LINC01488: variants seen among roughly 807,000 people sequenced by gnomAD.
LINC01488 encodes the protein CCND1-upstream intergenic DNA repair 1.
chr11:69,484,903 T>C lies in LINC01488; in HGVS notation n.122+3120T>C, dbSNP rs79637149. On this transcript the variant is annotated intron_variant and non_coding_transcript_variant, in intron 1 of 3. Coordinates refer to ENST00000644563, the Ensembl canonical transcript of LINC01488. ...TCTTCACTGGCTCCTTTGTTTTCTCTGAAGGCAGAGAATCTTCTAGTGCAT... is the reference window on the plus strand; with the variant it reads ...TCTTCACTGGCTCCTTTGTTTTCTCCGAAGGCAGAGAATCTTCTAGTGCAT... Among the ~76,000 whole-genome samples the C allele has an allele frequency of 5.2e-3, 788 of 152,374 alleles. 20 individuals carry two copies. In the East Asian group the frequency reaches 0.066, roughly 13 times the overall value.
chr11:69,482,740 C>T (rs1857060679), intron 1 of LINC01488, among the ~76,000 whole-genome samples: 1 of 152,204 alleles, frequency 6.6e-6, no homozygotes, highest in Admixed American at 6.5e-5. Flanking sequence ...GCAGACTGGA[C>T]TGCTTACAAA....
intron 1 of LINC01488, among the ~76,000 whole-genome samples, chr11:69,483,839 A>C (rs1365775678): frequency 6.6e-6 from 1 of 152,180 alleles, no homozygotes; most frequent in Non-Finnish European, 1.5e-5. Flanking sequence ...GCTGGCGGGC[A>C]GCAAATGAAG....
chr11:69,486,772 TG>T (rs977569995), intron 1 of LINC01488, among the ~76,000 whole-genome samples: 4 of 152,082 alleles, frequency 2.6e-5, no homozygotes, highest in Admixed American at 6.5e-5. Context: ...GTGGCAGGGC[TG>T]GGGCTCTGTG....
intron 1 of LINC01488, among the ~76,000 whole-genome samples, chr11:69,483,956 C>T (rs969286612): frequency 6.6e-6 from 1 of 152,202 alleles, no homozygotes; most frequent in African/African-American, 2.4e-5. Context: ...GAGCCAAGGG[C>T]CCCGCAGGGG....
At position 69,484,999 on chromosome 11, in the gene LINC01488, T is replaced by C. The variant is rs536738562; in HGVS notation, n.122+3216T>C. Among the ~76,000 whole-genome samples, 5 of 152,212 alleles carry C rather than the reference T, an allele frequency of 3.3e-5. No individual in the cohort carries two copies. In the South Asian group the frequency reaches 1.0e-3, roughly 32 times the overall value. The stretch of plus-strand genomic sequence containing the variant: ...CCAGTAGTTTGACACAAGTGGGCTG[T>C]GCTAAAATCTCTGAACCACCCAACC... On this transcript the variant is annotated intron_variant and non_coding_transcript_variant, in intron 1 of 3. Transcript: ENST00000644563.
chr11:69,492,709 G>C (rs953232065), exon 4 of LINC01488: 3 of 152,234 alleles, frequency 2.0e-5, no homozygotes, highest in Non-Finnish European at 4.4e-5. Context: ...CACGTGTGCT[G>C]TTTTAAGCCA....
At chr11:69,490,928 G>C (rs997498228) in intron 2 of LINC01488, 1 of 149,172 alleles carries the variant, frequency 6.7e-6, no homozygotes, top group African/African-American at 2.5e-5. Context: ...TTACCCCTGC[G>C]ACTCTGCCCA....
chr11:69,488,484 G>A (rs1461367717), intron 1 of LINC01488, among the ~76,000 whole-genome samples: 1 of 152,140 alleles, frequency 6.6e-6, no homozygotes, highest in Admixed American at 6.5e-5. Context: ...CTGAGCCCCC[G>A]AGGTGGGCAC....
chr11:69,488,453 C>T (rs1407675340), intron 1 of LINC01488: 1 of 152,440 alleles, frequency 6.6e-6, no homozygotes, highest in Non-Finnish European at 1.5e-5. Context: ...TGGGCCCCCT[C>T]CCGCCACCCC....
rs541144904 is a variant in LINC01488 at position 69,484,784 on chromosome 11, G to T, written n.122+3001G>T. Among the ~76,000 whole-genome samples the T allele has an allele frequency of 1.9e-3, 287 of 152,348 alleles. 2 individuals are homozygous for T. Among genetic ancestry groups the T allele is most frequent in the African/African-American group, 6.7e-3 (277 of 41,590 alleles). The stretch of plus-strand genomic sequence containing the variant: ...ACTCCTGGGGCCTCGTCTTCAGTCT[G>T]TGCTTTGCATTGTCCTCCTCCTGCT... On this transcript the variant is annotated intron_variant and non_coding_transcript_variant, in intron 1 of 3. Coordinates refer to ENST00000644563, the Ensembl canonical transcript of LINC01488.
At chr11:69,488,992 G>C (rs1043072916) in intron 1 of LINC01488, among the ~76,000 whole-genome samples, 16 of 152,230 alleles carry the variant, frequency 1.1e-4, no homozygotes, top group African/African-American at 3.9e-4. Context: ...GAGATGATGG[G>C]AAATCAAGGA....
At position 69,483,655 on chromosome 11, in the gene LINC01488, G is replaced by A. The variant is rs533775928; in HGVS notation, n.122+1872G>A. 3.9e-5 allele frequency among the ~76,000 whole-genome samples: 6 copies of A among 152,288 alleles called. No individual in the cohort carries two copies. The South Asian group carries it at 6.2e-4, about 16-fold the overall frequency. On this transcript the variant is annotated intron_variant and non_coding_transcript_variant, in intron 1 of 3. Coordinates refer to ENST00000644563, the Ensembl canonical transcript of LINC01488. Reference sequence around the variant, plus strand: ...TGTGGTCAGGCCCACGTCCAGAGGGGGCTTTTGCTTAGCAGAGGCTGCTGG... The same window carrying A: ...TGTGGTCAGGCCCACGTCCAGAGGGAGCTTTTGCTTAGCAGAGGCTGCTGG...
chr11:69,482,472 A>T (rs1857056616), intron 1 of LINC01488, among the ~76,000 whole-genome samples: 1 of 152,082 alleles, frequency 6.6e-6, no homozygotes, highest in Non-Finnish European at 1.5e-5. Flanking sequence ...GGATGGATGC[A>T]TGCATGGATA....
rs1400725388 is a variant in LINC01488, at chr11:69,492,309, C to A, written n.785C>A. 3.9e-5 allele frequency: 6 copies of A among 152,090 alleles called. No individual in the cohort carries two copies. In the East Asian group the frequency reaches 1.2e-3, roughly 29 times the overall value. 9.4% of individuals were successfully genotyped at this position (152,090 alleles called of 1,614,324 possible). Reference sequence around the variant, plus strand: ...GCTGCGGTCGGCAGAATCGTGCCTCCCGCAAAGATGCCCCATCCTAACCCG... The same window carrying A: ...GCTGCGGTCGGCAGAATCGTGCCTCACGCAAAGATGCCCCATCCTAACCCG... On this transcript the variant is annotated non_coding_transcript_exon_variant, in exon 4 of 4. Coordinates refer to ENST00000644563, the Ensembl canonical transcript of LINC01488.
At chr11:69,488,444 G>A (rs1367949581) in intron 1 of LINC01488, 3 of 152,424 alleles carry the variant, frequency 2.0e-5, no homozygotes, top group African/African-American at 4.8e-5. Context: ...AAGCAGGCTT[G>A]GGCCCCCTCC....
At chr11:69,482,338 T>A (rs1857055202) in intron 1 of LINC01488, among the ~76,000 whole-genome samples, 2 of 151,814 alleles carry the variant, frequency 1.3e-5, no homozygotes, top group African/African-American at 4.8e-5. Context: ...CCTGGACACA[T>A]GGGGATTATT....
chr11:69,488,338 A>G (rs1857157332), intron 1 of LINC01488: 1 of 152,356 alleles, frequency 6.6e-6, no homozygotes, highest in Admixed American at 6.5e-5. Context: ...AGGCCCAGAC[A>G]GGTTGACCGA....
chr11:69,486,059 C>T (rs1311326476), intron 1 of LINC01488: 1 of 152,254 alleles, frequency 6.6e-6, no homozygotes, highest in East Asian at 1.9e-4. Flanking sequence ...ACAGCGATGT[C>T]TTCCTGCATG....
At chr11:69,488,187 ACAT>A (rs903499292) in intron 1 of LINC01488, 24 of 152,568 alleles carry the variant, frequency 1.6e-4, no homozygotes, top group African/African-American at 5.8e-4. Context: ...CCACAAAAGA[ACAT>A]CATGATGCAT....
Sources: allele counts gnomAD v4.1 joint callset (sites outside exome capture counted in the v4.1 genomes callset), GRCh38; gene constraint gnomAD v4.1.1; transcripts MANE v1.5; gene names NCBI Gene and HGNC (gene_info 2026-07-23, HGNC 2026-07-21).